The following ANXA3 variants were observed in gnomAD, a reference collection of about 807,000 sequenced individuals.
ANXA3 encodes the protein annexin A3.
A neutral mutation model predicts 48.8 loss-of-function variants in ANXA3; 46 were observed. That is an observed-to-expected ratio of 0.94 (90% confidence interval 0.74 to 1.21). ANXA3 has a LOEUF of 1.21. Ranked by LOEUF, ANXA3 falls within the 50% of genes most tolerant of loss-of-function variation. The pLI is 0.00. For missense variants in ANXA3, 383 were observed against 378.6 expected (o/e 1.01, Z -0.10); for synonymous variants, 128 against 134.7 (o/e 0.95, Z 0.35).
chr4:78,576,842 C>T (rs184733377), intron 3 of ANXA3, among the ~76,000 whole-genome samples: 4 of 152,240 alleles, frequency 2.6e-5, no homozygotes, highest in African/African-American at 4.8e-5. Context: ...CCTGAGGCAT[C>T]TTGGCTTAGT....
chr4:78,553,680 A>G lies in ANXA3; in HGVS notation c.-38-756A>G, dbSNP rs543090021. On this transcript the variant is annotated intron_variant, in intron 1 of 12. Coordinates refer to ENST00000264908, the MANE Select transcript of ANXA3 (RefSeq NM_005139.3). ...CCTAGGCTACAGAGAGCCTGAAAAAACCAAGGTGAAATATTTCCAGAGACT... is the reference window on the plus strand; with the variant it reads ...CCTAGGCTACAGAGAGCCTGAAAAAGCCAAGGTGAAATATTTCCAGAGACT... 2.4e-3 allele frequency among the ~76,000 whole-genome samples: 362 copies of G among 152,210 alleles called. 2 individuals carry two copies. Among genetic ancestry groups the G allele is most frequent in the African/African-American group, 8.5e-3 (351 of 41,508 alleles).
chr4:78,565,002 T>C (rs1722702106), intron 2 of ANXA3, among the ~76,000 whole-genome samples: 1 of 150,888 alleles, frequency 6.6e-6, no homozygotes, highest in Non-Finnish European at 1.5e-5. Flanking sequence ...TTTTTTTTTT[T>C]TTTTTTTTTG....
At chr4:78,603,035 G>A (rs1723576212) in intron 11 of ANXA3, 1 of 152,494 alleles carries the variant, frequency 6.6e-6, no homozygotes, top group East Asian at 1.9e-4. Flanking sequence ...CCTCCTGAGA[G>A]AGGTCTCCCC....
At chr4:78,602,337 T>C (rs1027615348) in intron 11 of ANXA3, 3 of 152,044 alleles carry the variant, frequency 2.0e-5, no homozygotes, top group Non-Finnish European at 4.4e-5. Context: ...TTTTCTACAG[T>C]AGCTAATTTG....
rs41278061 is a variant in ANXA3, at chr4:78,591,513, A to G, written c.404-31A>G. The G allele has an allele frequency of 4.4e-3, 6,496 of 1,485,188 alleles. 27 individuals carry two copies. Among genetic ancestry groups the G allele is most frequent in the Non-Finnish European group, 5.1e-3 (5,455 of 1,073,856 alleles). The allele number at this position is 1,485,188 out of a possible 1,614,324, so 92.0% of individuals were successfully genotyped here. ...TTATAATCATATTTTTCAGTTTGTC[A>G]AGGCTTAATTTCATTCTGATTTGGT... On this transcript the variant is annotated intron_variant, in intron 6 of 12. Transcript: ENST00000264908.
chr4:78,563,660 T>G (rs187499950), intron 2 of ANXA3, among the ~76,000 whole-genome samples: 29 of 152,288 alleles, frequency 1.9e-4, no homozygotes, highest in Middle Eastern at 6.8e-3. Context: ...AATAAATTTT[T>G]ATTATTTATA....
intron 5 of ANXA3, among the ~76,000 whole-genome samples, chr4:78,583,897 C>T (rs1723122065): frequency 6.6e-6 from 1 of 152,122 alleles, no homozygotes; most frequent in African/African-American, 2.4e-5. Context: ...TACAAAATAC[C>T]TTCACAGCAA....
chr4:78,606,278 G>A lies in ANXA3; in HGVS notation c.912+1879G>A, dbSNP rs1451576274. On this transcript the variant is annotated intron_variant, in intron 12 of 12. Transcript: ENST00000264908. ...CTAAGCTGAGACTTGGGGCCTAGAAGGTGATCCAGGATGAAGAGGGAAGCA... is the reference window on the plus strand; with the variant it reads ...CTAAGCTGAGACTTGGGGCCTAGAAAGTGATCCAGGATGAAGAGGGAAGCA... 2.6e-5 allele frequency among the ~76,000 whole-genome samples: 4 copies of A among 152,202 alleles called. No individual in the cohort carries two copies. The East Asian group carries it at 7.7e-4, about 29-fold the overall frequency.
chr4:78,573,423 A>G (rs113841057), intron 3 of ANXA3, among the ~76,000 whole-genome samples, 156 bp downstream of exon 3: 1 of 152,254 alleles, frequency 6.6e-6, no homozygotes, highest in Non-Finnish European at 1.5e-5. Context: ...TAGAGAACCC[A>G]GTTTTATTAA....
chr4:78,600,536 G>T (rs957563588), intron 10 of ANXA3, among the ~76,000 whole-genome samples: 1 of 152,258 alleles, frequency 6.6e-6, no homozygotes, highest in East Asian at 1.9e-4. Context: ...TTAGTTTCTT[G>T]TCAGAGAACT....
At chr4:78,561,341 G>A (rs1402971530) in intron 2 of ANXA3, among the ~76,000 whole-genome samples, 1 of 152,156 alleles carries the variant, frequency 6.6e-6, no homozygotes, top group African/African-American at 2.4e-5. Context: ...CAGAGGAATG[G>A]CAGTAGTGGT....
intron 12 of ANXA3, among the ~76,000 whole-genome samples, chr4:78,604,738 C>T (rs982163656): frequency 2.6e-5 from 4 of 152,216 alleles, no homozygotes; most frequent in East Asian, 1.9e-4. Context: ...AAGAAAAATA[C>T]GTATTTTAAA....
intron 2 of ANXA3, among the ~76,000 whole-genome samples, chr4:78,569,938 G>A (rs1159663844): frequency 6.6e-6 from 1 of 152,152 alleles, no homozygotes; most frequent in Non-Finnish European, 1.5e-5. Flanking sequence ...ACCTCATGAA[G>A]GCTCTTGTAA....
chr4:78,575,507 C>T (rs1429887723), intron 3 of ANXA3, among the ~76,000 whole-genome samples: 1 of 152,024 alleles, frequency 6.6e-6, no homozygotes, highest in African/African-American at 2.4e-5. Context: ...GTGGAGTTTC[C>T]CTGCACAAGC....
intron 2 of ANXA3, among the ~76,000 whole-genome samples, chr4:78,557,397 T>C (rs1302051230): frequency 6.6e-6 from 1 of 152,198 alleles, no homozygotes; most frequent in African/African-American, 2.4e-5. Flanking sequence ...CTAATCCCTG[T>C]GTTTTAAGGT....
Position 78,582,162 on chromosome 4 carries a change from G to GT in ANXA3, c.199-9dup. On this transcript the variant is annotated splice_polypyrimidine_tract_variant and intron_variant, in intron 4 of 12. Transcript: ENST00000264908. ...AAAGTATTTCACATTTTTCCCCTTGGTTTTTTGATTTTAGGAGCTGAAAGA... is the reference window on the plus strand; with the variant it reads ...AAAGTATTTCACATTTTTCCCCTTGGTTTTTTTGATTTTAGGAGCTGAAAGA... 6.4e-7 allele frequency: 1 copy of GT among 1,566,804 alleles called. No homozygotes were observed. The highest frequency in any genetic ancestry group is 8.7e-7 in the Non-Finnish European group (1 of 1,144,006).
intron 2 of ANXA3, chr4:78,571,269 C>T (rs972864380): frequency 2.0e-5 from 3 of 152,172 alleles, no homozygotes; most frequent in Admixed American, 6.5e-5. Context: ...CTTTGGCCCC[C>T]GAAAGACCTG....
At chr4:78,575,084 G>A (rs997457535) in intron 3 of ANXA3, among the ~76,000 whole-genome samples, 3 of 152,162 alleles carry the variant, frequency 2.0e-5, no homozygotes, top group Non-Finnish European at 2.9e-5. Context: ...TATACTGCAT[G>A]TGTGTTTGTT....
intron 12 of ANXA3, among the ~76,000 whole-genome samples, chr4:78,608,623 G>T (rs1166707039): frequency 2.6e-5 from 4 of 152,150 alleles, no homozygotes; most frequent in Non-Finnish European, 4.4e-5. Flanking sequence ...TAATATCTTG[G>T]TGTGAGGAAA....
Sources: gnomAD v4.1 joint callset for allele counts (sites outside exome capture counted in the v4.1 genomes callset) on GRCh38, gnomAD v4.1.1 for gene constraint, MANE v1.5 for transcripts, NCBI Gene and HGNC (gene_info 2026-07-23, HGNC 2026-07-21) for gene names.